Variants in MEMO1 observed in about 807,000 individuals in gnomAD.
MEMO1 encodes the protein mediator of cell motility 1, also known as protein MEMO1.
In MEMO1, 6 loss-of-function variants were observed where a neutral mutation model predicts 45.2. That is an observed-to-expected ratio of 0.13 (90% CI 0.07 to 0.26). MEMO1 has a LOEUF of 0.26. Ranked by LOEUF, MEMO1 falls within the 10% of genes least tolerant of loss-of-function variation. MEMO1 has a pLI of 1.00. For synonymous variants in MEMO1, 78 were observed against 124.3 expected, an observed-to-expected ratio of 0.63 and a Z score of 2.48; for missense variants, 184 against 370.5, an observed-to-expected ratio of 0.50 and a Z score of 4.13.
chr2:31,952,645 T>C (rs1666965999), intron 2 of MEMO1, among the ~76,000 whole-genome samples: 1 of 152,200 alleles, frequency 6.6e-6, no homozygotes, highest in Non-Finnish European at 1.5e-5. Flanking sequence ...ACTAAATACT[T>C]TGATAATATC....
intron 2 of MEMO1, among the ~76,000 whole-genome samples, chr2:31,982,588 CAAAAAAAA>C (rs60208602): frequency 5.7e-5 from 4 of 70,104 alleles, no homozygotes; most frequent in Non-Finnish European, 1.2e-4. Context: ...GACTCCGTCT[CAAAAAAAA>C]AAAAAAAAAA....
At chr2:31,975,657 G>A (rs573972711) in intron 2 of MEMO1, among the ~76,000 whole-genome samples, 1 of 152,114 alleles carries the variant, frequency 6.6e-6, no homozygotes, top group East Asian at 1.9e-4. Flanking sequence ...ATTTAAATGT[G>A]GCAAAAATCA....
At chr2:31,999,429 G>C (rs1272695588) in intron 2 of MEMO1, among the ~76,000 whole-genome samples, 1 of 152,154 alleles carries the variant, frequency 6.6e-6, no homozygotes, top group Non-Finnish European at 1.5e-5. Flanking sequence ...CTGGGAGGCT[G>C]AGATAGGAAG....
intron 2 of MEMO1, among the ~76,000 whole-genome samples, chr2:32,008,295 T>C (rs1674351231): frequency 6.6e-6 from 1 of 152,196 alleles, no homozygotes; most frequent in African/African-American, 2.4e-5. Context: ...TTTAAAACAT[T>C]GAACTTCTGG....
At chr2:31,960,357 T>G (rs1482971583) in intron 2 of MEMO1, among the ~76,000 whole-genome samples, 1 of 152,132 alleles carries the variant, frequency 6.6e-6, no homozygotes, top group Non-Finnish European at 1.5e-5. Flanking sequence ...AAGCATAGCT[T>G]TTATCTAAGG....
At chr2:31,909,194 C>A (rs1444596716) in intron 6 of MEMO1, among the ~76,000 whole-genome samples, 1 of 152,196 alleles carries the variant, frequency 6.6e-6, no homozygotes, top group Non-Finnish European at 1.5e-5. Flanking sequence ...CCACTAAGAT[C>A]TGGAACAAGA....
At chr2:31,906,933 T>A (rs976906305) in intron 6 of MEMO1, among the ~76,000 whole-genome samples, 6 of 152,082 alleles carry the variant, frequency 3.9e-5, no homozygotes, top group South Asian at 2.1e-4. Context: ...ATAAAAAAAT[T>A]TTTTTCTAAC....
At chr2:31,880,723 C>A (rs571366402) in intron 8 of MEMO1, among the ~76,000 whole-genome samples, 6 of 152,094 alleles carry the variant, frequency 3.9e-5, no homozygotes, top group South Asian at 2.1e-4. Flanking sequence ...TGTCAGTGGT[C>A]ATAGAGAGCA....
intron 4 of MEMO1, among the ~76,000 whole-genome samples, chr2:31,928,303 G>A (rs1683413788): frequency 6.6e-6 from 1 of 152,162 alleles, no homozygotes; most frequent in Non-Finnish European, 1.5e-5. Flanking sequence ...AACACTTTGG[G>A]AGGCCAAGGC....
intron 8 of MEMO1, among the ~76,000 whole-genome samples, chr2:31,881,422 G>A (rs1176064644): frequency 6.8e-6 from 1 of 147,336 alleles, no homozygotes; most frequent in Admixed American, 6.8e-5. Flanking sequence ...CTGAGCCTGG[G>A]AGGTTGAGGC....
At chr2:31,993,363 CA>C (rs1274419311) in intron 2 of MEMO1, among the ~76,000 whole-genome samples, 1 of 152,088 alleles carries the variant, frequency 6.6e-6, no homozygotes, top group East Asian at 1.9e-4. Flanking sequence ...TTTTTTCAGA[CA>C]TTAGACTACA....
rs1676285759 is a variant in MEMO1, at chr2:31,887,049, AG to A, written c.581-3588del. Among the ~76,000 whole-genome samples, 4 of 152,348 alleles carry A rather than the reference AG, an allele frequency of 2.6e-5. 1 individual carries two copies. The South Asian group carries it at 8.3e-4, about 32-fold the overall frequency. On this transcript the variant is annotated intron_variant, in intron 7 of 9. Transcript: ENST00000404530. ...AGAAACCTTACTCTTTGAGGGAAGGAGGGTAGCTCATTTGTGAATCCATTCC... is the reference window on the plus strand; with the variant it reads ...AGAAACCTTACTCTTTGAGGGAAGGAGGTAGCTCATTTGTGAATCCATTCC...
At chr2:31,971,543 T>A (rs956283380) in intron 2 of MEMO1, among the ~76,000 whole-genome samples, 5 of 152,092 alleles carry the variant, frequency 3.3e-5, no homozygotes, top group African/African-American at 7.2e-5. Flanking sequence ...ACCCTTTATT[T>A]TTTATTATTA....
At chr2:31,884,173 G>T (rs939761897) in intron 7 of MEMO1, among the ~76,000 whole-genome samples, 1 of 151,998 alleles carries the variant, frequency 6.6e-6, no homozygotes, top group African/African-American at 2.4e-5. Context: ...AATGAAAGAA[G>T]CTTAAAGAGA....
intron 8 of MEMO1, among the ~76,000 whole-genome samples, chr2:31,870,664 C>A (rs1364255324): frequency 6.6e-6 from 1 of 152,126 alleles, no homozygotes; most frequent in Non-Finnish European, 1.5e-5. Flanking sequence ...GCAACCCCTG[C>A]CTCCTGGGTT....
At position 31,998,902 on chromosome 2, in the gene MEMO1, A is replaced by C; in HGVS notation, c.61+11285T>G. ...AACTCCAGACTCATACATACACTTG[A>C]CTGTACAGTGAACATCTCAAACTTA... is the stretch of plus-strand genomic sequence containing the variant. On this transcript the variant is annotated intron_variant, in intron 2 of 9. Coordinates refer to ENST00000404530, the MANE Select transcript of MEMO1 (RefSeq NM_001301833.4). Among the ~76,000 whole-genome samples, 2 of 152,160 alleles carry C rather than the reference A, an allele frequency of 1.3e-5. 1 individual carries two copies. The highest frequency in any genetic ancestry group is 2.9e-5 in the Non-Finnish European group (2 of 68,030).
At chr2:31,898,567 T>G (rs1678244273) in intron 6 of MEMO1, among the ~76,000 whole-genome samples, 1 of 152,234 alleles carries the variant, frequency 6.6e-6, no homozygotes, top group East Asian at 1.9e-4. Context: ...TTGATTGCAC[T>G]GTGATCTGAG....
At chr2:31,897,977 T>G (rs1000868148) in intron 6 of MEMO1, among the ~76,000 whole-genome samples, 6 of 152,008 alleles carry the variant, frequency 3.9e-5, no homozygotes, top group Non-Finnish European at 8.8e-5. Context: ...TATCCATTTC[T>G]TCTAAATTTT....
At chr2:31,922,589 C>G (rs1026913833) in intron 4 of MEMO1, among the ~76,000 whole-genome samples, 1 of 151,762 alleles carries the variant, frequency 6.6e-6, no homozygotes, top group Non-Finnish European at 1.5e-5. Flanking sequence ...AGGTAATAAA[C>G]CTAGTATTCC....
Sources: gnomAD v4.1 joint callset for allele counts (sites outside exome capture counted in the v4.1 genomes callset) on GRCh38, gnomAD v4.1.1 for gene constraint, MANE v1.5 for transcripts, NCBI Gene and HGNC (gene_info 2026-07-23, HGNC 2026-07-21) for gene names.